The following GRM1 variants were observed in gnomAD, a reference collection of about 807,000 sequenced individuals.
The protein encoded by GRM1 is metabotropic glutamate receptor 1.
In GRM1, 33 loss-of-function variants were observed where a neutral mutation model predicts 90.9. The ratio of observed to expected loss-of-function variants is 0.36; its 90% CI spans 0.28 to 0.49. The LOEUF (loss-of-function observed/expected upper bound fraction) is 0.49. GRM1 is among the 20% of genes least tolerant of loss of function. The pLI, the probability that GRM1 is intolerant of heterozygous loss-of-function variation, is 0.99. For synonymous variants in GRM1, 700 were observed against 613.2 expected, an observed-to-expected ratio of 1.14 and a Z score of -2.09; for missense variants, 1,190 against 1,534.3, an observed-to-expected ratio of 0.78 and a Z score of 3.75.
intron 1 of GRM1, among the ~76,000 whole-genome samples, chr6:146,054,158 G>C (rs1775400644): frequency 6.6e-6 from 1 of 152,066 alleles, no homozygotes; most frequent in Non-Finnish European, 1.5e-5. Flanking sequence ...TTGTTGGGCT[G>C]TCAGCAATGT....
intron 1 of GRM1, among the ~76,000 whole-genome samples, chr6:146,049,669 ATC>A (rs1791455685): frequency 6.7e-6 from 1 of 150,348 alleles, no homozygotes; most frequent in Admixed American, 6.6e-5. Context: ...CTATCTATCT[ATC>A]TATCTATCTA....
At chr6:146,224,176 T>A (rs1296690871) in intron 2 of GRM1, among the ~76,000 whole-genome samples, 1 of 152,104 alleles carries the variant, frequency 6.6e-6, no homozygotes, top group African/African-American at 2.4e-5. Context: ...TAATTACTGA[T>A]TACAGATAAA....
intron 2 of GRM1, among the ~76,000 whole-genome samples, chr6:146,186,521 G>T (rs896084710): frequency 6.6e-6 from 1 of 152,030 alleles, no homozygotes; most frequent in Non-Finnish European, 1.5e-5. Context: ...CACAGATACT[G>T]TTTCTTAGCC....
intron 1 of GRM1, among the ~76,000 whole-genome samples, chr6:146,141,966 A>T (rs1776894526): frequency 1.3e-5 from 2 of 152,288 alleles, no homozygotes; most frequent in South Asian, 4.2e-4. Flanking sequence ...TGGTGGCTGG[A>T]TATTGAAGAG....
Position 146,130,234 on chromosome 6 carries a change from T to C in GRM1, c.701-29114T>C, listed in dbSNP as rs533985476. On this transcript the variant is annotated intron_variant, in intron 1 of 7. Coordinates refer to ENST00000282753, the MANE Select transcript of GRM1 (RefSeq NM_001278064.2). ...AGATTTAGTTTTCTCTTTCTTTCCC[T>C]CCCTCCCTCCCTCCCTCCCTTCCTT... Among the ~76,000 whole-genome samples, 463 of 139,870 alleles carry C rather than the reference T, an allele frequency of 3.3e-3. 4 individuals carry two copies. The highest frequency in any genetic ancestry group is 0.011 in the African/African-American group (434 of 38,814). 91.8% of individuals were successfully genotyped at this position (139,870 alleles called of 152,430 possible).
Position 146,324,145 on chromosome 6 carries a change from C to A in GRM1, c.1186+19299C>A, listed in dbSNP as rs1011777810. On this transcript the variant is annotated intron_variant, in intron 3 of 7. Coordinates refer to ENST00000282753, the MANE Select transcript of GRM1 (RefSeq NM_001278064.2). The stretch of plus-strand genomic sequence containing the variant: ...TGGCTACAGCGGCTTTGCGGAGCTG[C>A]GGTGGGCTCCACCCAGTTGGAAATT... Among the ~76,000 whole-genome samples the A allele has an allele frequency of 3.9e-5, 6 of 152,276 alleles. No individual in the cohort carries two copies. In the East Asian group the frequency reaches 1.2e-3, roughly 29 times the overall value.
intron 2 of GRM1, among the ~76,000 whole-genome samples, chr6:146,262,919 T>C (rs1272072467): frequency 6.6e-6 from 1 of 151,990 alleles, no homozygotes; most frequent in Non-Finnish European, 1.5e-5. Flanking sequence ...ATGCAATTTG[T>C]CACCTATTAA....
At chr6:146,407,214 T>C (rs1202607854) in intron 7 of GRM1, among the ~76,000 whole-genome samples, 4 of 152,178 alleles carry the variant, frequency 2.6e-5, no homozygotes, top group African/African-American at 7.2e-5. Flanking sequence ...GAAAGCCACA[T>C]GCTCAAGTGC....
At chr6:146,235,719 T>G (rs574107398) in intron 2 of GRM1, among the ~76,000 whole-genome samples, 1 of 151,076 alleles carries the variant, frequency 6.6e-6, no homozygotes, top group South Asian at 2.1e-4. Context: ...TGTGTGTGTG[T>G]GTGTGTGTGT....
chr6:146,199,770 C>T (rs557123140), intron 2 of GRM1, among the ~76,000 whole-genome samples: 1 of 152,104 alleles, frequency 6.6e-6, no homozygotes, highest in East Asian at 1.9e-4. Context: ...GTAACCCCAG[C>T]AGTTTGGGAG....
chr6:146,214,814 T>C (rs1486821925), intron 2 of GRM1, among the ~76,000 whole-genome samples: 2 of 152,038 alleles, frequency 1.3e-5, no homozygotes, highest in African/African-American at 4.8e-5. Flanking sequence ...GGGAAATGCA[T>C]GAAGTTCAGT....
At chr6:146,130,522 A>G (rs545906176) in intron 1 of GRM1, among the ~76,000 whole-genome samples, 1 of 152,220 alleles carries the variant, frequency 6.6e-6, no homozygotes, top group South Asian at 2.1e-4. Flanking sequence ...GTAAAGCTCA[A>G]TACTGTGCTA....
chr6:146,409,553 TTTTTGTTTTG>T (rs139595396), intron 7 of GRM1, among the ~76,000 whole-genome samples: 4 of 152,126 alleles, frequency 2.6e-5, no homozygotes, highest in East Asian at 1.9e-4. Context: ...TTAAGTTTTG[TTTTTGTTTTG>T]TTTTGTTTTG....
chr6:146,200,052 G>T (rs953924808), intron 2 of GRM1, among the ~76,000 whole-genome samples: 1 of 152,094 alleles, frequency 6.6e-6, no homozygotes, highest in Non-Finnish European at 1.5e-5. Flanking sequence ...GTCCTCAGAG[G>T]CATCCATCCA....
intron 5 of GRM1, among the ~76,000 whole-genome samples, chr6:146,370,496 T>C (rs910448779): frequency 2.0e-5 from 3 of 152,138 alleles, no homozygotes; most frequent in African/African-American, 7.2e-5. Context: ...TTCATTGGCA[T>C]TTTATTTCCC....
chr6:146,139,704 TG>T (rs1776763134), intron 1 of GRM1, among the ~76,000 whole-genome samples: 1 of 152,184 alleles, frequency 6.6e-6, no homozygotes, highest in Non-Finnish European at 1.5e-5. Context: ...TCTTTATGGG[TG>T]AAGTGTATTT....
intron 2 of GRM1, among the ~76,000 whole-genome samples, chr6:146,268,931 A>G (rs897506966): frequency 9.9e-5 from 15 of 152,248 alleles, no homozygotes; most frequent in African/African-American, 3.6e-4. Flanking sequence ...AAGACAGCCC[A>G]GAAATAAACC....
At chr6:146,344,986 T>A (rs944575248) in intron 3 of GRM1, among the ~76,000 whole-genome samples, 2 of 152,078 alleles carry the variant, frequency 1.3e-5, no homozygotes, top group Non-Finnish European at 2.9e-5. Flanking sequence ...AAATTTTGTA[T>A]TTTTAGTAGA....
intron 1 of GRM1, among the ~76,000 whole-genome samples, chr6:146,122,384 G>A: frequency 6.6e-6 from 1 of 151,830 alleles, no homozygotes; most frequent in East Asian, 1.9e-4. Context: ...CCACAAATTT[G>A]CCCCACCCCC....
Sources: gnomAD v4.1 joint callset for allele counts (sites outside exome capture counted in the v4.1 genomes callset) on GRCh38, gnomAD v4.1.1 for gene constraint, MANE v1.5 for transcripts, NCBI Gene and HGNC (gene_info 2026-07-23, HGNC 2026-07-21) for gene names.